EBF2: variants seen among roughly 807,000 people sequenced by gnomAD.
The protein encoded by EBF2 is transcription factor COE2.
A neutral mutation model predicts 72.8 loss-of-function variants in EBF2; 21 were observed. The ratio of observed to expected loss-of-function variants is 0.29; its 90% CI spans 0.20 to 0.42. The LOEUF (loss-of-function observed/expected upper bound fraction) is 0.42, where lower values mean the gene tolerates loss of function less well. Ranked by LOEUF, EBF2 falls within the 10% of genes least tolerant of loss-of-function variation. The pLI, the probability that EBF2 is intolerant of heterozygous loss-of-function variation, is 1.00. For missense variants in EBF2, 637 were observed against 731.2 expected (o/e 0.87, Z 1.49); for synonymous variants, 299 against 274.2 (o/e 1.09, Z -0.89).
At chr8:25,899,238 G>GTT (rs78193563) in intron 7 of EBF2, among the ~76,000 whole-genome samples, 90 of 140,260 alleles carry the variant, frequency 6.4e-4, no homozygotes, top group African/African-American at 1.8e-3. Context: ...ACCCTCCACA[G>GTT]TTTTTTTTTT....
intron 6 of EBF2, among the ~76,000 whole-genome samples, chr8:25,976,233 A>G (rs1455001743): frequency 2.0e-5 from 3 of 152,232 alleles, no homozygotes; most frequent in African/African-American, 7.2e-5. Flanking sequence ...ATTATTATTG[A>G]ATCAAGGTCT....
chr8:25,899,667 C>T (rs1387776310), intron 7 of EBF2, among the ~76,000 whole-genome samples: 1 of 152,208 alleles, frequency 6.6e-6, no homozygotes, highest in Non-Finnish European at 1.5e-5. Flanking sequence ...TGGAGCTTGG[C>T]TCTTTTCCAA....
intron 7 of EBF2, among the ~76,000 whole-genome samples, chr8:25,896,107 C>T (rs1399688459): frequency 1.3e-5 from 2 of 152,136 alleles, no homozygotes; most frequent in Non-Finnish European, 2.9e-5. Flanking sequence ...TACAAAGAGG[C>T]TGAAAGAAAA....
At chr8:25,931,787 G>A (rs748153204) in intron 6 of EBF2, among the ~76,000 whole-genome samples, 56 of 152,110 alleles carry the variant, frequency 3.7e-4, no homozygotes, top group Non-Finnish European at 5.7e-4. Flanking sequence ...ACGCCTCAAG[G>A]AAAGACGGCC....
chr8:25,953,853 G>A (rs62499102), intron 6 of EBF2, among the ~76,000 whole-genome samples: 1 of 152,166 alleles, frequency 6.6e-6, no homozygotes, highest in Non-Finnish European at 1.5e-5. Flanking sequence ...AGAGATCAGC[G>A]GCTTAGTAGA....
intron 6 of EBF2, among the ~76,000 whole-genome samples, chr8:26,018,135 C>T (rs1366882428): frequency 6.7e-6 from 1 of 149,558 alleles, no homozygotes; most frequent in East Asian, 2.0e-4. Flanking sequence ...TCTCTCCCTT[C>T]GCAGGAGCAA....
chr8:26,044,986 T>A lies in EBF2; in HGVS notation c.-127A>T. On this transcript the variant is annotated 5_prime_UTR_variant, in exon 1 of 16. Coordinates refer to ENST00000520164, the MANE Select transcript of EBF2 (RefSeq NM_022659.4). This position sits in a 1 kb window ranked among gnomAD's most constrained non-coding sequence, Gnocchi z 4.1. Reference sequence around the variant, plus strand: ...CAAGAAAAGGGATCAAGTGCCCAAGTTTGAGTCTTAGAAAAAAAAAAAAGA... The same window carrying A: ...CAAGAAAAGGGATCAAGTGCCCAAGATTGAGTCTTAGAAAAAAAAAAAAGA... The A allele has an allele frequency of 2.0e-6, 2 of 1,010,806 alleles. No individual in the cohort carries two copies. Among genetic ancestry groups the A allele is most frequent in the South Asian group, 1.8e-5 (1 of 54,334 alleles). 62.6% of individuals were successfully genotyped at this position (1,010,806 alleles called of 1,614,324 possible).
chr8:25,847,359 G>A (rs1277473723), intron 15 of EBF2, among the ~76,000 whole-genome samples: 1 of 152,140 alleles, frequency 6.6e-6, no homozygotes, highest in African/African-American at 2.4e-5. Context: ...TGAGATCCCA[G>A]GATTTTTTGT....
intron 6 of EBF2, among the ~76,000 whole-genome samples, chr8:26,018,292 T>A (rs1585229456): frequency 1.3e-5 from 2 of 148,218 alleles, no homozygotes; most frequent in African/African-American, 2.5e-5. Context: ...AAGACAGACA[T>A]AAAATGAGAG....
intron 10 of EBF2, among the ~76,000 whole-genome samples, chr8:25,873,111 A>G (rs1287286787): frequency 6.6e-6 from 1 of 152,048 alleles, no homozygotes; most frequent in African/African-American, 2.4e-5. Context: ...CAACATGCAA[A>G]GGCTACGTTA....
intron 6 of EBF2, among the ~76,000 whole-genome samples, chr8:26,023,088 G>A (rs538945337): frequency 2.0e-5 from 3 of 152,166 alleles, no homozygotes; most frequent in African/African-American, 7.2e-5. Flanking sequence ...CAACCATTTG[G>A]CATGCCACTC....
chr8:26,000,939 T>C (rs1804713037), intron 6 of EBF2, among the ~76,000 whole-genome samples: 1 of 152,098 alleles, frequency 6.6e-6, no homozygotes, highest in African/African-American at 2.4e-5. Flanking sequence ...GAGCAAGGAA[T>C]TGAAATTAGA....
At chr8:26,041,064 G>A in intron 2 of EBF2, 62 bp from the exon 3 acceptor site, 3 of 1,585,248 alleles carry the variant, frequency 1.9e-6, no homozygotes, top group South Asian at 2.2e-5. Context: ...AGGGAAAGAG[G>A]AGACAGTGAA....
At chr8:25,861,508 T>G in intron 11 of EBF2, 134 bp from the exon 12 acceptor site, 2 of 895,502 alleles carry the variant, frequency 2.2e-6, no homozygotes, top group South Asian at 1.6e-5. Context: ...GGTCCTATAT[T>G]TGGTTTGACA....
intron 10 of EBF2, among the ~76,000 whole-genome samples, chr8:25,873,064 T>C (rs1802467769): frequency 6.6e-6 from 1 of 152,348 alleles, no homozygotes; most frequent in South Asian, 2.1e-4. Flanking sequence ...AATTTCCTTG[T>C]CTATTTGTCT....
intron 6 of EBF2, among the ~76,000 whole-genome samples, chr8:25,934,807 C>T (rs1417852785): frequency 6.6e-6 from 1 of 152,274 alleles, no homozygotes; most frequent in South Asian, 2.1e-4. Flanking sequence ...ATCAGGTCTG[C>T]TTTTTGAAAA....
At chr8:25,887,372 A>G (rs1256231529) in intron 9 of EBF2, among the ~76,000 whole-genome samples, 1 of 152,214 alleles carries the variant, frequency 6.6e-6, no homozygotes, top group African/African-American at 2.4e-5. Context: ...GTCATGTTTT[A>G]TATGATGATG....
chr8:25,854,253 A>AC (rs55739831), intron 14 of EBF2, among the ~76,000 whole-genome samples: 1 of 150,642 alleles, frequency 6.6e-6, no homozygotes, highest in Non-Finnish European at 1.5e-5. Flanking sequence ...AAAAAAAAAA[A>AC]GCAAGAGATG....
At chr8:25,966,333 CA>C in intron 6 of EBF2, among the ~76,000 whole-genome samples, 1 of 152,318 alleles carries the variant, frequency 6.6e-6, no homozygotes, top group East Asian at 1.9e-4. Flanking sequence ...GGTGCAGTTG[CA>C]ATGTATTGCA....
Sources: gnomAD v4.1 joint callset for allele counts (sites outside exome capture counted in the v4.1 genomes callset) on GRCh38, gnomAD v4.1.1 for gene constraint, Gnocchi (gnomAD v3.1) non-coding constraint, MANE v1.5 for transcripts, NCBI Gene and HGNC (gene_info 2026-07-23, HGNC 2026-07-21) for gene names.